Variants in IGFL2 observed in about 807,000 individuals in gnomAD.
IGFL2 encodes the protein insulin growth factor-like family member 2.
Under a neutral mutation model 13.9 loss-of-function variants are expected in IGFL2, and 7 were observed. The observed-to-expected ratio is 0.51, with a 90% CI of 0.29 to 0.95. The LOEUF is 0.95. Among genes scored for constraint, IGFL2 ranks in the 40% least tolerant of loss-of-function variants. The pLI is 0.08. For missense variants in IGFL2, 138 were observed against 147.8 expected (o/e 0.93, Z 0.34); for synonymous variants, 55 against 55.8 (o/e 0.99, Z 0.07).
At chr19:46,166,762 C>T in the IGFL2 span, among the ~76,000 whole-genome samples, 2 of 152,198 alleles carry the variant, frequency 1.3e-5, no homozygotes, top group African/African-American at 2.4e-5. Flanking sequence ...AAGAATTCAG[C>T]GATATTTCTC....
chr19:46,194,854 T>TATATATA, the IGFL2 span, among the ~76,000 whole-genome samples: 23 of 18,762 alleles, frequency 1.2e-3, no homozygotes, highest in African/African-American at 2.5e-3. Context: ...ATATATATAT[T>TATATATA]TTTTTTTTTT....
the IGFL2 span, among the ~76,000 whole-genome samples, chr19:46,189,414 C>G: frequency 1.3e-5 from 2 of 152,150 alleles, no homozygotes; most frequent in South Asian, 4.1e-4. Context: ...CTCTGGATAA[C>G]TGCGGGCAGG....
chr19:46,145,367 C>G (rs921715054), upstream of IGFL2, among the ~76,000 whole-genome samples: 2 of 151,938 alleles, frequency 1.3e-5, no homozygotes, highest in Admixed American at 6.6e-5. Flanking sequence ...TACTCCGGCA[C>G]TTTTTCACTT....
the IGFL2 span, among the ~76,000 whole-genome samples, chr19:46,129,942 C>T: frequency 5.9e-5 from 9 of 152,108 alleles, no homozygotes; most frequent in Admixed American, 5.9e-4. Context: ...GATGATCTGT[C>T]TAATACTGTC....
chr19:46,178,136 G>T, the IGFL2 span, among the ~76,000 whole-genome samples: 2 of 152,080 alleles, frequency 1.3e-5, no homozygotes, highest in Admixed American at 6.6e-5. Context: ...AATTAGTCGG[G>T]CATGGTGGCG....
At chr19:46,145,600 A>ATATG (rs1177221696), upstream of IGFL2, among the ~76,000 whole-genome samples, 20 of 94,574 alleles carry the variant, frequency 2.1e-4, no homozygotes, top group African/African-American at 4.1e-4. Flanking sequence ...ACTCATATAT[A>ATATG]TGTGTGTGTG....
chr19:46,175,981 T>C, the IGFL2 span, among the ~76,000 whole-genome samples: 1 of 148,314 alleles, frequency 6.7e-6, no homozygotes, highest in East Asian at 2.0e-4. Context: ...TAGCTGGGAT[T>C]ACAGGTGCAT....
At chr19:46,105,399 C>T in the IGFL2 span, among the ~76,000 whole-genome samples, 1 of 152,070 alleles carries the variant, frequency 6.6e-6, no homozygotes, top group Non-Finnish European at 1.5e-5. Flanking sequence ...CCTGCCTTTG[C>T]TAGTGATTGG....
chr19:46,151,801 A>G (rs776638756), intron 1 of IGFL2, among the ~76,000 whole-genome samples: 41 of 152,262 alleles, frequency 2.7e-4, no homozygotes, highest in Middle Eastern at 3.4e-3. Context: ...AGTCCCAGCT[A>G]CTTGGGAGGC....
At chr19:46,201,934 C>T in the IGFL2 span, among the ~76,000 whole-genome samples, 134 of 152,084 alleles carry the variant, frequency 8.8e-4, no homozygotes, top group African/African-American at 2.6e-3. Flanking sequence ...GGGCTAGTCA[C>T]GGAACAAAAC....
chr19:46,095,108 T>C, the IGFL2 span, among the ~76,000 whole-genome samples: 3 of 152,068 alleles, frequency 2.0e-5, no homozygotes, highest in Non-Finnish European at 2.9e-5. Context: ...TTGCCACTGT[T>C]TTCTACAATG....
chr19:46,197,570 A>G, the IGFL2 span, among the ~76,000 whole-genome samples: 1 of 152,036 alleles, frequency 6.6e-6, no homozygotes, highest in Admixed American at 6.5e-5. Context: ...CTTCAGTGTC[A>G]GCTCAGACTG....
the IGFL2 span, among the ~76,000 whole-genome samples, chr19:46,086,294 T>C: frequency 6.6e-6 from 1 of 152,164 alleles, no homozygotes; most frequent in African/African-American, 2.4e-5. Context: ...TAACAACATA[T>C]TGAATTTTTT....
the IGFL2 span, among the ~76,000 whole-genome samples, chr19:46,079,662 A>G: frequency 1.3e-5 from 2 of 152,140 alleles, no homozygotes; most frequent in Non-Finnish European, 2.9e-5. Context: ...CATAGTCTGC[A>G]CCACTTCTGC....
the IGFL2 span, chr19:46,137,341 G>T: frequency 8.9e-7 from 1 of 1,120,272 alleles, no homozygotes; most frequent in Non-Finnish European, 1.4e-6. Flanking sequence ...GCTTGTGGCG[G>T]GCGTTGATGA....
At chr19:46,113,322 A>T in the IGFL2 span, 1 of 289,712 alleles carries the variant, frequency 3.5e-6, no homozygotes, top group South Asian at 3.0e-5. Context: ...TTTTGTTCAT[A>T]GCCTGAAGTC....
chr19:46,174,909 G>T, the IGFL2 span, among the ~76,000 whole-genome samples: 1 of 152,130 alleles, frequency 6.6e-6, no homozygotes, highest in Non-Finnish European at 1.5e-5. Flanking sequence ...TTAGCAAAAG[G>T]ATTGATCCAA....
At chr19:46,096,922 A>C in the IGFL2 span, among the ~76,000 whole-genome samples, 1 of 152,154 alleles carries the variant, frequency 6.6e-6, no homozygotes, top group South Asian at 2.1e-4. Context: ...TTGGTTTGCT[A>C]GTATTTTGAG....
chr19:46,098,043 A>G, the IGFL2 span, among the ~76,000 whole-genome samples: 1 of 152,176 alleles, frequency 6.6e-6, no homozygotes, highest in Non-Finnish European at 1.5e-5. Flanking sequence ...GCTGAGTTCA[A>G]GTCCTGAATA....
Sources: allele counts gnomAD v4.1 joint callset (sites outside exome capture counted in the v4.1 genomes callset), GRCh38; gene constraint gnomAD v4.1.1; transcripts MANE v1.5; gene names NCBI Gene and HGNC (gene_info 2026-07-23, HGNC 2026-07-21).